Variants in GRM7 observed in about 807,000 individuals in gnomAD.
The protein encoded by GRM7 is metabotropic glutamate receptor 7.
GRM7 carries 35 observed loss-of-function variants against 84.5 expected under a neutral mutation model. The observed-to-expected ratio is 0.41, with a 90% CI of 0.32 to 0.55. GRM7 has a LOEUF of 0.55. Among genes scored for constraint, GRM7 ranks in the 20% least tolerant of loss-of-function variants. The pLI, the probability that GRM7 is intolerant of heterozygous loss-of-function variation, is 0.19. For missense variants in GRM7, 1,003 were observed against 1,194.6 expected (o/e 0.84, Z 2.36); for synonymous variants, 487 against 455.1 (o/e 1.07, Z -0.89).
At chr3:7,714,881 C>G (rs901387627) in intron 9 of GRM7, among the ~76,000 whole-genome samples, 2 of 152,164 alleles carry the variant, frequency 1.3e-5, no homozygotes, top group African/African-American at 2.4e-5. Flanking sequence ...TGAAGGTTTG[C>G]AGGTGCAAAA....
intron 4 of GRM7, among the ~76,000 whole-genome samples, chr3:7,350,308 C>T (rs1693081619): frequency 1.3e-5 from 2 of 151,938 alleles, no homozygotes; most frequent in African/African-American, 4.8e-5. Context: ...GGAGGTGGGG[C>T]CTGGTGGGAG....
At chr3:7,157,074 A>G (rs1559475220) in intron 2 of GRM7, among the ~76,000 whole-genome samples, 1 of 152,144 alleles carries the variant, frequency 6.6e-6, no homozygotes, top group Admixed American at 6.6e-5. Context: ...CTAGTGACAC[A>G]AGCAGCAGAA....
intron 4 of GRM7, among the ~76,000 whole-genome samples, chr3:7,354,416 C>A (rs537348056): frequency 1.3e-5 from 2 of 152,234 alleles, no homozygotes; most frequent in East Asian, 1.9e-4. Context: ...GGTTCAGATG[C>A]ATGAGTGGAA....
At chr3:7,440,716 G>T (rs1697253190) in intron 5 of GRM7, among the ~76,000 whole-genome samples, 1 of 152,098 alleles carries the variant, frequency 6.6e-6, no homozygotes, top group South Asian at 2.1e-4. Context: ...TCAATGTGTA[G>T]CTCCCCCTTA....
intron 5 of GRM7, among the ~76,000 whole-genome samples, chr3:7,452,298 G>T (rs573946611): frequency 2.6e-5 from 4 of 152,080 alleles, no homozygotes; most frequent in Non-Finnish European, 5.9e-5. Context: ...TTTCAGGTTC[G>T]AATGTGGCAA....
chr3:7,415,206 C>G, intron 5 of GRM7, 43 bp downstream of exon 5: 10 of 1,545,340 alleles, frequency 6.5e-6, no homozygotes, highest in Non-Finnish European at 8.9e-6. Context: ...CTCTACGTGG[C>G]TAGCACTGAC....
At chr3:7,707,290 A>C (rs1236018363) in intron 9 of GRM7, among the ~76,000 whole-genome samples, 1 of 152,162 alleles carries the variant, frequency 6.6e-6, no homozygotes, top group Non-Finnish European at 1.5e-5. Context: ...ACATTTCAGC[A>C]TTTTAACCTT....
At chr3:7,318,706 A>G (rs1700668167) in intron 4 of GRM7, among the ~76,000 whole-genome samples, 1 of 152,068 alleles carries the variant, frequency 6.6e-6, no homozygotes, top group Admixed American at 6.6e-5. Context: ...GCTGTAGGTT[A>G]ATTGAAATTT....
intron 2 of GRM7, among the ~76,000 whole-genome samples, chr3:7,186,451 T>G (rs1230221516): frequency 6.6e-6 from 1 of 152,258 alleles, no homozygotes; most frequent in Non-Finnish European, 1.5e-5. Flanking sequence ...GTTTAAAGTT[T>G]ACTGCTGGGA....
intron 1 of GRM7, among the ~76,000 whole-genome samples, chr3:7,081,686 T>G (rs556074549): frequency 1.3e-5 from 2 of 152,222 alleles, no homozygotes; most frequent in African/African-American, 2.4e-5. Flanking sequence ...TCTCTTGTAC[T>G]AAACAGTCTA....
chr3:7,169,400 G>A (rs1035678181), intron 2 of GRM7, among the ~76,000 whole-genome samples: 12 of 152,150 alleles, frequency 7.9e-5, no homozygotes, highest in African/African-American at 2.9e-4. Flanking sequence ...AGCTGGTGTG[G>A]CCAGGTGACA....
intron 2 of GRM7, among the ~76,000 whole-genome samples, chr3:7,183,473 A>G (rs1229445428): frequency 1.3e-5 from 2 of 152,152 alleles, no homozygotes; most frequent in East Asian, 3.9e-4. Flanking sequence ...CTAAAAATAC[A>G]AAAACTAGCA....
chr3:7,139,705 G>A (rs1391943), intron 1 of GRM7, among the ~76,000 whole-genome samples: 2 of 151,920 alleles, frequency 1.3e-5, no homozygotes, highest in African/African-American at 2.4e-5. Flanking sequence ...TACTTTCATA[G>A]GTGATGAGTC....
intron 1 of GRM7, among the ~76,000 whole-genome samples, chr3:6,988,720 GA>G (rs1380209639): frequency 2.0e-5 from 3 of 152,160 alleles, no homozygotes; most frequent in Non-Finnish European, 4.4e-5. Flanking sequence ...CAAATATTCA[GA>G]AGAACATGTA....
chr3:7,620,707 T>C (rs1217208224), intron 8 of GRM7, among the ~76,000 whole-genome samples: 1 of 152,156 alleles, frequency 6.6e-6, no homozygotes, highest in East Asian at 1.9e-4. Flanking sequence ...CTCTTCATTT[T>C]TATGTCTGGT....
chr3:7,650,343 G>T (rs1270541983), intron 8 of GRM7, among the ~76,000 whole-genome samples: 1 of 152,120 alleles, frequency 6.6e-6, no homozygotes. Flanking sequence ...TGATAGTAAT[G>T]GTACCCATCT....
intron 7 of GRM7, among the ~76,000 whole-genome samples, chr3:7,532,714 G>A (rs902655363): frequency 1.3e-4 from 20 of 150,622 alleles, no homozygotes; most frequent in African/African-American, 3.9e-4. Flanking sequence ...TGTGATGTTA[G>A]GGTGTCAATT....
At chr3:7,096,336 G>A (rs557703696) in intron 1 of GRM7, among the ~76,000 whole-genome samples, 8 of 152,236 alleles carry the variant, frequency 5.3e-5, no homozygotes, top group African/African-American at 1.9e-4. Context: ...CAGGACACCT[G>A]TACTTCTGAT....
chr3:7,425,922 G>A (rs1043623857), intron 5 of GRM7, among the ~76,000 whole-genome samples: 6 of 151,974 alleles, frequency 3.9e-5, no homozygotes, highest in East Asian at 1.9e-4. Context: ...TATAAATCAC[G>A]CTTCCAGCAC....
Sources: allele counts gnomAD v4.1 joint callset (sites outside exome capture counted in the v4.1 genomes callset), GRCh38; gene constraint gnomAD v4.1.1; transcripts MANE v1.5; gene names NCBI Gene and HGNC (gene_info 2026-07-23, HGNC 2026-07-21).